The following TBC1D1 variants were observed in gnomAD, a reference collection of about 807,000 sequenced individuals.
TBC1D1 encodes the protein TBC1 domain family member 1.
Under a neutral mutation model 125.6 loss-of-function variants are expected in TBC1D1, and 89 were observed. The observed-to-expected ratio is 0.71, with a 90% CI of 0.60 to 0.85. TBC1D1 has a LOEUF of 0.85. TBC1D1 is among the 40% of genes least tolerant of loss of function. The pLI is 0.00. For synonymous variants in TBC1D1, 565 were observed against 564.1 expected (o/e 1.00, Z -0.02); for missense variants, 1,377 against 1,469.2 (o/e 0.94, Z 1.03).
intron 2 of TBC1D1, among the ~76,000 whole-genome samples, chr4:38,005,748 A>G (rs190957282): frequency 1.3e-5 from 2 of 152,332 alleles, no homozygotes; most frequent in East Asian, 3.9e-4. Flanking sequence ...GTTTATAGGT[A>G]AGCAAAGCTG....
Position 38,014,500 on chromosome 4 carries a change from T to A in TBC1D1, c.418-9T>A. On this transcript the variant is annotated splice_polypyrimidine_tract_variant and intron_variant, in intron 2 of 19. Coordinates refer to ENST00000261439, the MANE Select transcript of TBC1D1 (RefSeq NM_015173.4). This position sits in a 1 kb window ranked among gnomAD's most constrained non-coding sequence, Gnocchi z 5.1. Reference sequence around the variant, plus strand: ...ATGTTCCAAATAACACGCCTCTCTCTCTCCTCAGGTGCCTGAGATCATCAG... The same window carrying A: ...ATGTTCCAAATAACACGCCTCTCTCACTCCTCAGGTGCCTGAGATCATCAG... 6.2e-7 allele frequency: 1 copy of A among 1,608,588 alleles called. No individual in the cohort carries two copies. The highest frequency in any genetic ancestry group is 1.1e-5 in the South Asian group (1 of 90,998).
rs573704679 is a variant in TBC1D1 at position 37,993,306 on chromosome 4, A to C, written c.418-21203A>C. On this transcript the variant is annotated intron_variant, in intron 2 of 19. Coordinates refer to ENST00000261439, the MANE Select transcript of TBC1D1 (RefSeq NM_015173.4). The stretch of plus-strand genomic sequence containing the variant: ...GTCTGTGAAATGAAAGATTTTACTA[A>C]ATACATTCTAAAGGAGAGAATTACA... Among the ~76,000 whole-genome samples the C allele has an allele frequency of 2.8e-4, 42 of 152,324 alleles. No individual in the cohort carries two copies. The South Asian group carries it at 4.8e-3, about 17-fold the overall frequency.
chr4:37,996,795 C>CT (rs985601664), intron 2 of TBC1D1, among the ~76,000 whole-genome samples: 2 of 152,210 alleles, frequency 1.3e-5, no homozygotes, highest in Non-Finnish European at 2.9e-5. Flanking sequence ...GGTGACAGGG[C>CT]TGTGGCTGGG....
chr4:38,016,119 A>G (rs946252991), intron 3 of TBC1D1, among the ~76,000 whole-genome samples: 16 of 152,248 alleles, frequency 1.1e-4, no homozygotes, highest in African/African-American at 3.9e-4. Context: ...CATGGAATTT[A>G]GATTCCAGTA....
intron 2 of TBC1D1, among the ~76,000 whole-genome samples, chr4:37,911,348 C>T (rs1360599234): frequency 6.6e-6 from 1 of 152,142 alleles, no homozygotes; most frequent in Non-Finnish European, 1.5e-5. Context: ...GCTCAGGCAT[C>T]CACCCTACTC....
intron 16 of TBC1D1, among the ~76,000 whole-genome samples, chr4:38,117,780 A>C (rs1487201590): frequency 6.6e-6 from 1 of 152,228 alleles, no homozygotes; most frequent in African/African-American, 2.4e-5. Context: ...ACAAGGGAAC[A>C]ATAAAAAGGA....
chr4:38,118,661 C>T (rs1763375221), intron 17 of TBC1D1: 2 of 154,552 alleles, frequency 1.3e-5, no homozygotes, highest in Admixed American at 1.3e-4. Context: ...TCTCCCAAGT[C>T]ACTGTCTTGG....
chr4:38,006,582 G>A (rs1290570045), intron 2 of TBC1D1, among the ~76,000 whole-genome samples: 4 of 149,006 alleles, frequency 2.7e-5, no homozygotes, highest in African/African-American at 7.4e-5. Context: ...GGGTTCAAGC[G>A]ATGCTCCTGC....
chr4:37,967,355 C>T (rs1057266275), intron 2 of TBC1D1, among the ~76,000 whole-genome samples: 12 of 152,002 alleles, frequency 7.9e-5, no homozygotes, highest in South Asian at 4.2e-4. Context: ...ATTAGCTGGG[C>T]GCAGTGGCGT....
At position 37,928,347 on chromosome 4, in the gene TBC1D1, T is replaced by A. The variant is rs191932034; in HGVS notation, c.417+25835T>A. Among the ~76,000 whole-genome samples, 258 of 152,346 alleles carry A rather than the reference T, an allele frequency of 1.7e-3. 1 individual carries two copies. Among genetic ancestry groups the A allele is most frequent in the South Asian group, 8.1e-3 (39 of 4,828 alleles). On this transcript the variant is annotated intron_variant, in intron 2 of 19. Coordinates refer to ENST00000261439, the MANE Select transcript of TBC1D1 (RefSeq NM_015173.4). ...GAAGTCCAACAGCGGCAAATATTGA[T>A]GTTGTTTTGTTTTACACACTTTTGG...
intron 13 of TBC1D1, among the ~76,000 whole-genome samples, chr4:38,095,636 G>C (rs1759194513): frequency 6.6e-6 from 1 of 152,190 alleles, no homozygotes; most frequent in East Asian, 1.9e-4. Flanking sequence ...CTCATAGTTT[G>C]ATAGGGGTAA....
rs58267781 is a variant in TBC1D1 at position 38,052,712 on chromosome 4, A to ACG, written c.1911-1471_1911-1470dup. On this transcript the variant is annotated intron_variant, in intron 11 of 19. Coordinates refer to ENST00000261439, the MANE Select transcript of TBC1D1 (RefSeq NM_015173.4). ...TACATGCATGCGTATATACACACAC[A>ACG]CGCGCGCGCGCGCGCGCACACACAC... Among the ~76,000 whole-genome samples the ACG allele has an allele frequency of 6.7e-3, 840 of 125,572 alleles. 3 individuals carry two copies. Among genetic ancestry groups the ACG allele is most frequent in the Non-Finnish European group, 8.4e-3 (503 of 59,776 alleles). 82.4% of individuals were successfully genotyped at this position (125,572 alleles called of 152,430 possible). A position where few individuals can be genotyped will look rare whatever the true frequency, so the allele number is the denominator to read the frequency against.
At chr4:38,016,019 A>G (rs1015299409) in intron 3 of TBC1D1, among the ~76,000 whole-genome samples, 21 of 152,348 alleles carry the variant, frequency 1.4e-4, no homozygotes, top group African/African-American at 5.1e-4. Context: ...GCATTTATTT[A>G]TAAGTACTGA....
intron 7 of TBC1D1, among the ~76,000 whole-genome samples, chr4:38,029,659 G>A (rs188659607): frequency 1.8e-4 from 27 of 152,282 alleles, no homozygotes; most frequent in South Asian, 2.1e-4. Flanking sequence ...GAGCCACCAC[G>A]CCTGGCCGTC....
In TBC1D1 at chr4:37,904,298, G is replaced by A. The variant is rs560765948; in HGVS notation, c.417+1786G>A. Among the ~76,000 whole-genome samples the A allele has an allele frequency of 1.1e-4, 16 of 152,320 alleles. No individual in the cohort carries two copies. In the South Asian group the frequency reaches 1.9e-3, roughly 18 times the overall value. On this transcript the variant is annotated intron_variant, in intron 2 of 19. Coordinates refer to ENST00000261439, the MANE Select transcript of TBC1D1 (RefSeq NM_015173.4). ...CATGATACCTAGATGAGTGCCTTCA[G>A]CTTTCAAAGATGAGATTCTGGTCAT...
chr4:38,058,332 C>T (rs1303144938), intron 12 of TBC1D1, among the ~76,000 whole-genome samples: 1 of 152,226 alleles, frequency 6.6e-6, no homozygotes, highest in Non-Finnish European at 1.5e-5. Context: ...TTCCTTCCAG[C>T]TGAGAGACAT....
intron 7 of TBC1D1, among the ~76,000 whole-genome samples, chr4:38,031,735 G>A (rs189996036): frequency 2.6e-5 from 4 of 152,258 alleles, no homozygotes; most frequent in South Asian, 4.1e-4. Flanking sequence ...TCAAGCAATC[G>A]TCCTACCTCA....
intron 2 of TBC1D1, among the ~76,000 whole-genome samples, chr4:37,955,974 TTAAAAAA>T (rs1728856723): frequency 6.6e-6 from 1 of 152,078 alleles, no homozygotes. Flanking sequence ...TTGTCTCTAT[TTAAAAAA>T]TAAAAAATAA....
At chr4:38,110,389 C>T (rs996467984) in intron 15 of TBC1D1, 7 of 985,220 alleles carry the variant, frequency 7.1e-6, no homozygotes, top group African/African-American at 1.7e-5. Flanking sequence ...AATAGGATTC[C>T]TGCCTGAAAA....
Sources: allele counts gnomAD v4.1 joint callset (sites outside exome capture counted in the v4.1 genomes callset), GRCh38; gene constraint gnomAD v4.1.1; non-coding constraint Gnocchi (gnomAD v3.1); transcripts MANE v1.5; gene names NCBI Gene and HGNC (gene_info 2026-07-23, HGNC 2026-07-21).